Variants in B9D1 observed in about 807,000 individuals in gnomAD.
B9D1 encodes B9 domain-containing protein 1.
Under a neutral mutation model 26.1 loss-of-function variants are expected in B9D1, and 20 were observed. The observed-to-expected ratio is 0.77, with a 90% confidence interval of 0.54 to 1.12. The LOEUF (loss-of-function observed/expected upper bound fraction) is 1.12, where lower values mean the gene tolerates loss of function less well. B9D1 is among the 50% of genes most tolerant of loss of function. The pLI is 0.00. For missense variants in B9D1, 260 were observed against 273.7 expected (o/e 0.95, Z 0.35); for synonymous variants, 105 against 103.1 (o/e 1.02, Z -0.11).
At chr17:19,339,414 A>C (rs958636223), downstream of B9D1, among the ~76,000 whole-genome samples, 6 of 152,036 alleles carry the variant, frequency 3.9e-5, no homozygotes, top group African/African-American at 1.4e-4. Flanking sequence ...GTCTTAGCAA[A>C]TGTCTTGTAC....
chr17:19,361,640 G>T (rs1911088781), intron 1 of B9D1, among the ~76,000 whole-genome samples: 1 of 152,116 alleles, frequency 6.6e-6, no homozygotes, highest in African/African-American at 2.4e-5. Flanking sequence ...TGGGAGCATG[G>T]AGTAGTATCC....
At position 19,346,816 on chromosome 17, in the gene B9D1, G is replaced by C. The variant is rs546680693; in HGVS notation, c.404+453C>G. 1.9e-5 allele frequency: 19 copies of C among 992,190 alleles called. No individual in the cohort carries two copies. In the South Asian group the frequency reaches 2.5e-4, roughly 13 times the overall value. The allele number at this position is 992,190 out of a possible 1,614,324, so 61.5% of individuals were successfully genotyped here. On this transcript the variant is annotated intron_variant, in intron 5 of 6. Coordinates refer to ENST00000261499, the MANE Select transcript of B9D1 (RefSeq NM_015681.6). ...CTCAGCCTGGCAGGCACTGTTCCCT[G>C]TGCCTGATGTTCTTCCCCGGCTCTT...
chr17:19,360,497 G>A, intron 1 of B9D1, 109 bp from the exon 2 acceptor site: 1 of 939,562 alleles, frequency 1.1e-6, no homozygotes, highest in South Asian at 1.3e-5. Flanking sequence ...ACCTGGGAGT[G>A]GGTCTAAGAG....
At chr17:19,374,714 C>T (rs1315431274) in intron 1 of B9D1, among the ~76,000 whole-genome samples, 4 of 150,902 alleles carry the variant, frequency 2.7e-5, no homozygotes, top group South Asian at 2.1e-4. Context: ...AAAATGAGTG[C>T]TTTTTTTTTA....
chr17:19,341,908 G>C (rs1908010270), downstream of B9D1, among the ~76,000 whole-genome samples: 1 of 152,204 alleles, frequency 6.6e-6, no homozygotes, highest in Admixed American at 6.5e-5. Context: ...GCTGGGCCAG[G>C]AGCTTGGAGG....
chr17:19,343,513 C>A lies in B9D1; in HGVS notation c.473-52G>T, dbSNP rs377633517. 350 of 1,612,330 alleles carry A rather than the reference C, an allele frequency of 2.2e-4. 1 individual carries two copies. The highest frequency in any genetic ancestry group is 1.2e-4 in the Non-Finnish European group (141 of 1,179,204). On this transcript the variant is annotated intron_variant, in intron 6 of 6. Coordinates refer to ENST00000261499, the MANE Select transcript of B9D1 (RefSeq NM_015681.6). ...AGGCTGGGCTGGGGCAGAGAGAGAC[C>A]CAGGTTGATCTGGGAATCTCAGCCT...
upstream of B9D1, chr17:19,362,790 C>T: frequency 7.3e-7 from 1 of 1,373,024 alleles, no homozygotes; most frequent in Non-Finnish European, 9.9e-7. Flanking sequence ...CACGCCGAGG[C>T]TCCACCCCTC....
chr17:19,344,967 A>G (rs1036248543), intron 5 of B9D1, among the ~76,000 whole-genome samples: 1 of 152,134 alleles, frequency 6.6e-6, no homozygotes, highest in Non-Finnish European at 1.5e-5. Context: ...CTCTCACAGC[A>G]CCCACCTCAC....
intron 3 of B9D1, among the ~76,000 whole-genome samples, chr17:19,352,087 T>A (rs1025768506): frequency 1.2e-4 from 19 of 152,064 alleles, no homozygotes; most frequent in Non-Finnish European, 4.4e-5. Context: ...GGTCTCACCA[T>A]GTTGCCCAGG....
chr17:19,345,404 G>A (rs905001343), intron 5 of B9D1, among the ~76,000 whole-genome samples: 4 of 152,124 alleles, frequency 2.6e-5, no homozygotes, highest in Non-Finnish European at 5.9e-5. Context: ...GCTGAATGAC[G>A]GCCCCTCAAA....
downstream of B9D1, chr17:19,341,144 G>A: frequency 8.1e-7 from 1 of 1,230,026 alleles, no homozygotes; most frequent in Non-Finnish European, 1.0e-6. Flanking sequence ...AACCAGAAGA[G>A]GGTGACTTAG....
In B9D1 at chr17:19,348,000, C is replaced by T; in HGVS notation, c.245-120G>A. On this transcript the variant is annotated intron_variant, in intron 3 of 6. Transcript: ENST00000261499. The surrounding 1 kb of genome is among the most constrained non-coding windows in gnomAD (Gnocchi z 4.3). ...GATGGAGCTCAAAACTCTGGGGTGG[C>T]AGGCTTGAGAGGGGACAGGAGCAGG... is the stretch of plus-strand genomic sequence containing the variant. 1 of 856,294 alleles carries T rather than the reference C, an allele frequency of 1.2e-6. No individual in the cohort carries two copies. Among genetic ancestry groups the T allele is most frequent in the Non-Finnish European group, 1.9e-6 (1 of 523,406 alleles). 53.0% of individuals were successfully genotyped at this position (856,294 alleles called of 1,614,324 possible).
At chr17:19,374,516 CTT>C (rs987218338) in intron 1 of B9D1, among the ~76,000 whole-genome samples, 13 of 152,218 alleles carry the variant, frequency 8.5e-5, no homozygotes, top group Admixed American at 7.9e-4. Context: ...GAACAATACT[CTT>C]TAACTTGACA....
At position 19,347,485 on chromosome 17, in the gene B9D1, C is replaced by T. The variant is rs963693069; in HGVS notation, c.342-154G>A. The stretch of plus-strand genomic sequence containing the variant: ...TCCAACCTGTGCTAACTGAGCACCC[C>T]CTGTGTCTGGGCAAGGTGCTGAGCG... On this transcript the variant is annotated intron_variant, in intron 4 of 6. Transcript: ENST00000261499. This position sits in a 1 kb window ranked among gnomAD's most constrained non-coding sequence, Gnocchi z 4.3. Among the ~76,000 whole-genome samples the T allele has an allele frequency of 1.3e-5, 2 of 152,194 alleles. No homozygotes were observed. The highest frequency in any genetic ancestry group is 4.8e-5 in the African/African-American group (2 of 41,440).
chr17:19,340,295 C>T (rs941813291), downstream of B9D1, among the ~76,000 whole-genome samples: 5 of 151,830 alleles, frequency 3.3e-5, no homozygotes, highest in African/African-American at 9.7e-5. Context: ...CTCAGCCTCC[C>T]GAGTAGCTGG....
At chr17:19,353,162 G>A (rs188053559) in intron 3 of B9D1, among the ~76,000 whole-genome samples, 16 of 150,574 alleles carry the variant, frequency 1.1e-4, no homozygotes, top group Non-Finnish European at 1.6e-4. Context: ...TTTTAGTAGA[G>A]ATGGGGTTTC....
chr17:19,353,677 A>G (rs1909967952), intron 3 of B9D1, among the ~76,000 whole-genome samples: 1 of 151,926 alleles, frequency 6.6e-6, no homozygotes, highest in Non-Finnish European at 1.5e-5. Context: ...ATGGTGGCTC[A>G]CGCCTGTAAT....
chr17:19,346,723 A>ACTGGCCACACTGCCGTC (rs896888189), intron 5 of B9D1, among the ~76,000 whole-genome samples: 3 of 152,040 alleles, frequency 2.0e-5, no homozygotes, highest in Non-Finnish European at 4.4e-5. Flanking sequence ...CTTACCACTT[A>ACTGGCCACACTGCCGTC]CTGGCCACAC....
chr17:19,340,430 C>T (rs1907833239), downstream of B9D1, among the ~76,000 whole-genome samples: 1 of 118,980 alleles, frequency 8.4e-6, no homozygotes, highest in African/African-American at 3.2e-5. Context: ...GCATCAGCCT[C>T]CCAAAGTGCT....
Sources: allele counts gnomAD v4.1 joint callset (sites outside exome capture counted in the v4.1 genomes callset), GRCh38; gene constraint gnomAD v4.1.1; non-coding constraint Gnocchi (gnomAD v3.1); transcripts MANE v1.5; gene names NCBI Gene and HGNC (gene_info 2026-07-23, HGNC 2026-07-21).